The following IFT74 variants were observed in gnomAD, a reference collection of about 807,000 sequenced individuals.
IFT74 encodes intraflagellar transport protein 74 homolog.
Under a neutral mutation model 96.7 loss-of-function variants are expected in IFT74, and 92 were observed. That is an observed-to-expected ratio of 0.95 (90% CI 0.80 to 1.13). The LOEUF (loss-of-function observed/expected upper bound fraction) is 1.13. Among genes scored for constraint, IFT74 ranks in the 50% most tolerant of loss-of-function variants. IFT74 has a pLI of 0.00. For missense variants in IFT74, 811 were observed against 698.2 expected, an observed-to-expected ratio of 1.16 and a Z score of -1.82; for synonymous variants, 223 against 213.2, an observed-to-expected ratio of 1.05 and a Z score of -0.40.
At chr9:26,976,688 G>A (rs986195278) in intron 2 of IFT74, 11 of 449,428 alleles carry the variant, frequency 2.4e-5, no homozygotes, top group African/African-American at 2.2e-4. Flanking sequence ...GAGAAGAAAG[G>A]CAGGGGGTAC....
intron 2 of IFT74, among the ~76,000 whole-genome samples, chr9:26,974,733 G>C (rs1827028245): frequency 6.6e-6 from 1 of 152,134 alleles, no homozygotes; most frequent in Non-Finnish European, 1.5e-5. Flanking sequence ...GGATGCCTGG[G>C]ATGGATATTA....
At chr9:26,997,983 G>A in intron 8 of IFT74, 2 of 1,613,948 alleles carry the variant, frequency 1.2e-6, no homozygotes, top group Non-Finnish European at 1.7e-6. Context: ...AATGCACCCT[G>A]TTGAATTACA....
At chr9:26,998,155 A>G in intron 8 of IFT74, 1 of 1,604,306 alleles carries the variant, frequency 6.2e-7, no homozygotes, top group East Asian at 2.2e-5. Context: ...TAATTTGGTT[A>G]TAACTGAGAT....
At chr9:26,968,297 T>C (rs1826719550) in intron 2 of IFT74, among the ~76,000 whole-genome samples, 1 of 151,768 alleles carries the variant, frequency 6.6e-6, no homozygotes, top group Admixed American at 6.6e-5. Context: ...AATCTCGCTC[T>C]GTTGCCCAGG....
At chr9:27,014,235 G>A (rs1339656862) in intron 10 of IFT74, among the ~76,000 whole-genome samples, 2 of 152,086 alleles carry the variant, frequency 1.3e-5, no homozygotes, top group South Asian at 2.1e-4. Flanking sequence ...AAAAAAAGCA[G>A]GTAGTTTTCT....
chr9:26,995,983 G>T (rs1828134741), intron 8 of IFT74: 2 of 699,792 alleles, frequency 2.9e-6, no homozygotes, highest in Non-Finnish European at 4.4e-6. Context: ...TTTAGATTTT[G>T]TTTGGTGGAT....
chr9:27,001,366 G>T (rs971656746), intron 8 of IFT74, among the ~76,000 whole-genome samples: 32 of 151,904 alleles, frequency 2.1e-4, no homozygotes, highest in South Asian at 4.2e-4. Flanking sequence ...TATATTTTTA[G>T]TTTTTTAAGG....
chr9:26,965,407 C>T (rs529374031), intron 2 of IFT74, among the ~76,000 whole-genome samples: 1 of 151,958 alleles, frequency 6.6e-6, no homozygotes, highest in Non-Finnish European at 1.5e-5. Context: ...TTGTTAAAGT[C>T]AGATTTTCCT....
At chr9:27,044,508 G>T (rs1428149124) in intron 13 of IFT74, among the ~76,000 whole-genome samples, 3 of 152,088 alleles carry the variant, frequency 2.0e-5, no homozygotes, top group Non-Finnish European at 4.4e-5. Context: ...CCCCAGGTTG[G>T]GAATGGAAAG....
At chr9:26,964,801 T>C (rs10967627) in intron 2 of IFT74, among the ~76,000 whole-genome samples, 15,583 of 152,176 alleles carry the variant, frequency 0.1, 1,827 homozygotes, top group East Asian at 0.65. Context: ...AAATATGTTA[T>C]AGACAATGAG....
Position 26,976,669 on chromosome 9 carries a change from A to G in IFT74, c.121-1459A>G, listed in dbSNP as rs528310904. ...TGGGCATGTAGTAAAATCAGAAAGA[A>G]GAAAAAAGGAGAAGAAAGGCAGGGG... On this transcript the variant is annotated intron_variant, in intron 2 of 19. Transcript: ENST00000380062. The G allele has an allele frequency of 5.9e-5, 26 of 437,690 alleles. 2 individuals are homozygous for G. The highest frequency in any genetic ancestry group is 4.9e-4 in the East Asian group (7 of 14,224). 27.1% of individuals were successfully genotyped at this position (437,690 alleles called of 1,614,324 possible).
intron 13 of IFT74, chr9:27,036,457 C>G: frequency 6.2e-7 from 1 of 1,613,346 alleles, no homozygotes; most frequent in Non-Finnish European, 8.5e-7. Flanking sequence ...CAGATCCTAC[C>G]AACTATGGAT....
intron 4 of IFT74, among the ~76,000 whole-genome samples, chr9:26,981,807 G>A (rs1415307305): frequency 1.4e-5 from 2 of 146,910 alleles, no homozygotes; most frequent in Non-Finnish European, 3.0e-5. Flanking sequence ...TCACTCTGTC[G>A]CCCAGGCTGG....
chr9:26,982,332 C>G (rs759966179), intron 4 of IFT74: 1 of 441,492 alleles, frequency 2.3e-6, no homozygotes, highest in Non-Finnish European at 4.5e-6. Flanking sequence ...GATGGGATCT[C>G]ACGTCACTGC....
chr9:27,032,136 A>C (rs530785652), intron 13 of IFT74, among the ~76,000 whole-genome samples: 1 of 152,344 alleles, frequency 6.6e-6, no homozygotes, highest in Admixed American at 6.5e-5. Flanking sequence ...CTATGCAAAA[A>C]TACTGAGCCT....
In IFT74 at chr9:27,014,213, TA is replaced by T. The variant is rs1169434924; in HGVS notation, c.789+2252del. Reference sequence around the variant, plus strand: ...CTGGGCGACGGAGCAAGATTCTGTCTAAAAAAAGTAAAAAAAAAGCAGGTAG... The same window carrying T: ...CTGGGCGACGGAGCAAGATTCTGTCTAAAAAAGTAAAAAAAAAGCAGGTAG... On this transcript the variant is annotated intron_variant, in intron 10 of 19. Transcript: ENST00000380062. 1.8e-4 allele frequency among the ~76,000 whole-genome samples: 27 copies of T among 152,146 alleles called. No individual in the cohort carries two copies. The South Asian group carries it at 5.6e-3, about 32-fold the overall frequency.
intron 11 of IFT74, 78 bp from the exon 12 acceptor site, chr9:27,018,569 C>A: frequency 2.7e-6 from 2 of 735,606 alleles, no homozygotes; most frequent in Non-Finnish European, 4.4e-6. Context: ...CAATTGTACT[C>A]TAGAAGGAAA....
chr9:26,947,608 C>G (rs1230592295), intron 1 of IFT74: 1 of 152,616 alleles, frequency 6.6e-6, no homozygotes, highest in Non-Finnish European at 1.5e-5. Flanking sequence ...TGTTTGGTGT[C>G]TACTGTTAGG....
intron 2 of IFT74, among the ~76,000 whole-genome samples, chr9:26,969,896 T>C (rs1328234977): frequency 6.6e-6 from 1 of 152,136 alleles, no homozygotes; most frequent in East Asian, 1.9e-4. Context: ...ATACTTTATT[T>C]CTCCTTCATT....
Sources: gnomAD v4.1 joint callset for allele counts (sites outside exome capture counted in the v4.1 genomes callset) on GRCh38, gnomAD v4.1.1 for gene constraint, MANE v1.5 for transcripts, NCBI Gene and HGNC (gene_info 2026-07-23, HGNC 2026-07-21) for gene names.